HIPK1: variants seen among roughly 807,000 people sequenced by gnomAD.
HIPK1 encodes homeodomain-interacting protein kinase 1.
In HIPK1, 28 loss-of-function variants were observed where a neutral mutation model predicts 117.1. The observed-to-expected ratio is 0.24, with a 90% CI of 0.18 to 0.33. The LOEUF is 0.33. HIPK1 is among the 10% of genes least tolerant of loss of function. The pLI, the probability that HIPK1 is intolerant of heterozygous loss-of-function variation, is 1.00. For synonymous variants in HIPK1, 605 were observed against 562.5 expected (o/e 1.08, Z -1.07); for missense variants, 1,122 against 1,475.1 (o/e 0.76, Z 3.92).
chr1:113,962,773 A>G (rs1474537456), intron 9 of HIPK1, among the ~76,000 whole-genome samples: 1 of 152,130 alleles, frequency 6.6e-6, no homozygotes, highest in African/African-American at 2.4e-5. Context: ...ATAAGTATAT[A>G]TGTAGCATTT....
In HIPK1 at chr1:113,968,522, C is replaced by T; in HGVS notation, c.2645C>T (p.Ser882Phe). 1.2e-6 allele frequency: 2 copies of T among 1,613,880 alleles called. No homozygotes were observed. Among genetic ancestry groups the T allele is most frequent in the South Asian group, 1.1e-5 (1 of 91,070 alleles). Residue 882 changes from serine (S) to phenylalanine (F), a missense_variant, in exon 13 of 16, where the codon TCC (serine) becomes TTC (phenylalanine). Physicochemically the swap from Ser to Phe is radical, Grantham distance 155. Around this residue, in one of 6 missense-constraint regions of HIPK1, gnomAD observed 731 missense variants for 860.4 expected, o/e 0.85. Transcript: ENST00000426820. ...CTCCGCACCACATCTTCTTATAATTCCTTGGTCCCTGTCCAAGATCAGCAT... is the reference window on the plus strand; with the variant it reads ...CTCCGCACCACATCTTCTTATAATTTCTTGGTCCCTGTCCAAGATCAGCAT... ...SPLRTTSSYN[S>F]LVPVQDQHQP...
At chr1:113,954,845 TATTAA>T (rs1052163315) in intron 4 of HIPK1, 75 bp downstream of exon 4, 3 of 1,317,544 alleles carry the variant, frequency 2.3e-6, no homozygotes, top group African/African-American at 3.0e-5. Flanking sequence ...AAAGTTTAGT[TATTAA>T]ATTCTTCAGG....
chr1:113,939,235 G>A (rs1374528312), intron 1 of HIPK1, among the ~76,000 whole-genome samples: 2 of 151,812 alleles, frequency 1.3e-5, no homozygotes, highest in Non-Finnish European at 2.9e-5. Flanking sequence ...GCTCACTGCA[G>A]CCTCTACCTC....
Position 113,941,591 on chromosome 1 carries a change from T to G in HIPK1, c.1076+132T>G, listed in dbSNP as rs1670640676. 1 of 708,176 alleles carries G rather than the reference T, an allele frequency of 1.4e-6. No individual in the cohort carries two copies. The highest frequency in any genetic ancestry group is 2.3e-6 in the Non-Finnish European group (1 of 427,262). The allele number at this position is 708,176 out of a possible 1,614,324, so 43.9% of individuals were successfully genotyped here. A position where few individuals can be genotyped will look rare whatever the true frequency, so the allele number is the denominator to read the frequency against. ...AGATAGAAATAGGATATGTTTTAGC[T>G]CATTCTATGTGTGTGGCATTCCTAT... On this transcript the variant is annotated intron_variant, in intron 2 of 15. Transcript: ENST00000426820. This position sits in a 1 kb window ranked among gnomAD's most constrained non-coding sequence, Gnocchi z 4.9.
intron 2 of HIPK1, among the ~76,000 whole-genome samples, chr1:113,943,315 T>C (rs1670772454): frequency 6.6e-6 from 1 of 152,244 alleles, no homozygotes; most frequent in South Asian, 2.1e-4. Context: ...ACTGGTAATC[T>C]TGATTTGACT....
rs2358996 is a variant in HIPK1 at position 113,973,095 on chromosome 1, G to A, written c.3216G>A (p.Ala1072=). 0.42 allele frequency: 651,145 copies of A among 1,543,424 alleles called. 139,508 individuals are homozygous for A. The highest frequency in any genetic ancestry group is 0.52 in the African/African-American group (37,650 of 72,954). ...SSNPAPRRQQ[A]FVAPLSQAPY... is the part of the protein sequence containing the mutation. ...ACCCAGCCCCCCGCAGGCAGCAGGCGTTTGTGGCCCCTCTCTCCCAAGCCC... is the reference window on the plus strand; with the variant it reads ...ACCCAGCCCCCCGCAGGCAGCAGGCATTTGTGGCCCCTCTCTCCCAAGCCC... Residue 1072 remains alanine, a synonymous_variant, in exon 16 of 16, where the codon GCG becomes GCA. Coordinates refer to ENST00000426820, the MANE Select transcript of HIPK1 (RefSeq NM_198268.3).
At chr1:113,938,483 G>A (rs1178826434) in intron 1 of HIPK1, among the ~76,000 whole-genome samples, 1 of 152,124 alleles carries the variant, frequency 6.6e-6, no homozygotes, top group Non-Finnish European at 1.5e-5. Context: ...TAAGAAGAGA[G>A]AGCAGTTATC....
Position 113,929,845 on chromosome 1 carries a change from G to T in HIPK1, c.-3+313G>T, listed in dbSNP as rs868724860. The T allele has an allele frequency of 1.1e-5, 11 of 987,930 alleles. No individual in the cohort carries two copies. The South Asian group carries it at 5.0e-4, about 44-fold the overall frequency. The allele number at this position is 987,930 out of a possible 1,614,324, so 61.2% of individuals were successfully genotyped here. The stretch of plus-strand genomic sequence containing the variant: ...GGGCCCGGGCCGGCTCGCGCGGGGG[G>T]TATGATGACCCGGCTGCGGGGCCCC... On this transcript the variant is annotated intron_variant, in intron 1 of 15. Coordinates refer to ENST00000426820, the MANE Select transcript of HIPK1 (RefSeq NM_198268.3).
At chr1:113,930,188 C>A (rs1032521204) in intron 1 of HIPK1, among the ~76,000 whole-genome samples, 1 of 152,244 alleles carries the variant, frequency 6.6e-6, no homozygotes, top group African/African-American at 2.4e-5. Flanking sequence ...CCCCCTGCCT[C>A]CTGCCACTTC....
rs1490776559 is a variant in HIPK1, at chr1:113,974,570, A to G, written c.*1058A>G. The G allele has an allele frequency of 3.3e-5, 5 of 152,758 alleles. No homozygotes were observed. The highest frequency in any genetic ancestry group is 1.2e-4 in the African/African-American group (5 of 41,464). 9.5% of individuals were successfully genotyped at this position (152,758 alleles called of 1,614,324 possible). On this transcript the variant is annotated 3_prime_UTR_variant, in exon 16 of 16. Transcript: ENST00000426820. ...GAAAGCTAAAAAAACCTGAAACCAG[A>G]TAAGAACATTTCTTGTGTATAGCTT...
At chr1:113,944,159 GTTTTTTTTTTTTTT>G (rs140161727) in intron 2 of HIPK1, among the ~76,000 whole-genome samples, 33 of 55,234 alleles carry the variant, frequency 6.0e-4, no homozygotes, top group East Asian at 1.9e-3. Context: ...ATAGCCATGG[GTTTTTTTTTTTTTT>G]TTTTTTTTTT....
rs780056876 is a variant in HIPK1 at position 113,968,542 on chromosome 1, C to G, written c.2665C>G (p.Gln889Glu). ...SYNSLVPVQD[Q>E]HQPIIIPDTP... ...TAATTCCTTGGTCCCTGTCCAAGAT[C>G]AGCATCAGCCCATCATCATTCCAGA... Residue 889 changes from glutamine to glutamate, a missense_variant, in exon 13 of 16, where the codon CAG (glutamine) becomes GAG (glutamate). Transcript: ENST00000426820. 8.1e-6 allele frequency: 13 copies of G among 1,613,864 alleles called. No individual in the cohort carries two copies. The South Asian group carries it at 1.3e-4, about 16-fold the overall frequency.
At chr1:113,972,549 G>A (rs975722192) in intron 15 of HIPK1, among the ~76,000 whole-genome samples, 4 of 152,232 alleles carry the variant, frequency 2.6e-5, no homozygotes, top group African/African-American at 7.2e-5. Flanking sequence ...GTGTCAGTAT[G>A]AGGGTATGTG....
At chr1:113,967,600 G>C (rs529493875) in intron 11 of HIPK1, among the ~76,000 whole-genome samples, 166 bp from the exon 12 acceptor site, 2 of 152,126 alleles carry the variant, frequency 1.3e-5, no homozygotes, top group African/African-American at 4.8e-5. Context: ...AGAGTTGTTT[G>C]AGCTGCTTAC....
chr1:113,972,712 G>A (rs1018471017), intron 15 of HIPK1, among the ~76,000 whole-genome samples: 4 of 152,142 alleles, frequency 2.6e-5, no homozygotes, highest in Non-Finnish European at 4.4e-5. Context: ...ATTTACTGAC[G>A]CCAGAATAGG....
At position 113,971,834 on chromosome 1, in the gene HIPK1, C is replaced by G. The variant is rs770291537; in HGVS notation, c.3024C>G (p.Ser1008Arg). ...TVATQASGLL[S>R]NKTKPVASVS... ...CTGGTGCTTTTTTAGGTCTCCTGAG[C>G]AATAAGACTAAGCCAGTCGCTTCAG... Residue 1008 changes from serine to arginine, a missense_variant, in exon 15 of 16, where the codon AGC (serine) becomes AGG (arginine). Physicochemically the swap from Ser to Arg is moderately radical, Grantham distance 110. Around this residue, in one of 6 missense-constraint regions of HIPK1, gnomAD observed 731 missense variants for 860.4 expected, o/e 0.85. Transcript: ENST00000426820. 1.9e-6 allele frequency: 3 copies of G among 1,594,244 alleles called. No homozygotes were observed. The South Asian group carries it at 3.5e-5, about 18-fold the overall frequency.
At chr1:113,963,735 T>G (rs1251571176) in intron 10 of HIPK1, among the ~76,000 whole-genome samples, 1 of 152,212 alleles carries the variant, frequency 6.6e-6, no homozygotes, top group Non-Finnish European at 1.5e-5. Flanking sequence ...TCCCCAACAT[T>G]TGCTGTAGCA....
At chr1:113,950,593 T>G (rs1245029794) in intron 2 of HIPK1, among the ~76,000 whole-genome samples, 1 of 152,178 alleles carries the variant, frequency 6.6e-6, no homozygotes, top group Non-Finnish European at 1.5e-5. Flanking sequence ...AACTTATGCC[T>G]CCCAAGTTTA....
intron 1 of HIPK1, 179 bp downstream of exon 1, chr1:113,929,711 A>AGGTGGCGGC: frequency 1.2e-6 from 1 of 803,182 alleles, no homozygotes; most frequent in Non-Finnish European, 1.5e-6. Context: ...CGCGGGGCTG[A>AGGTGGCGGC]GGCGGCGGCG....
Sources: allele counts gnomAD v4.1 joint callset (sites outside exome capture counted in the v4.1 genomes callset), GRCh38; gene constraint gnomAD v4.1.1; regional missense constraint gnomAD v4.1.1; non-coding constraint Gnocchi (gnomAD v3.1); transcripts MANE v1.5; gene names NCBI Gene and HGNC (gene_info 2026-07-23, HGNC 2026-07-21).